Variants in KATNIP observed in about 807,000 individuals in gnomAD.
The protein encoded by KATNIP is katanin-interacting protein.
A neutral mutation model predicts 174.0 loss-of-function variants in KATNIP; 126 were observed. That is an observed-to-expected ratio of 0.72 (90% confidence interval 0.63 to 0.84). The LOEUF (loss-of-function observed/expected upper bound fraction) is 0.84. Among genes scored for constraint, KATNIP ranks in the 40% least tolerant of loss-of-function variants. The probability of loss-of-function intolerance (pLI) is 0.00; values close to 1 mark genes in which losing one functional copy is unlikely to be tolerated. For synonymous variants in KATNIP, 810 were observed against 835.7 expected (o/e 0.97, Z 0.53); for missense variants, 1,958 against 2,109.7 (o/e 0.93, Z 1.41).
At chr16:27,573,867 C>T (rs1412107006) in intron 1 of KATNIP, 34 bp from the exon 2 acceptor site, 2 of 1,609,650 alleles carry the variant, frequency 1.2e-6, no homozygotes, top group Admixed American at 3.3e-5. Context: ...TCTAAAACAG[C>T]CTTAATCTTG....
rs575288174 is a variant in KATNIP at position 27,735,652 on chromosome 16, C to T, written c.1744-4389C>T. On this transcript the variant is annotated intron_variant, in intron 14 of 27. Coordinates refer to ENST00000261588, the MANE Select transcript of KATNIP (RefSeq NM_015202.5). ...TCGGCAAATGGTAGCCTGCCATCTG[C>T]AATTGGAGGATTGAAGCCGAGTTCC... is the stretch of plus-strand genomic sequence containing the variant. Among the ~76,000 whole-genome samples the T allele has an allele frequency of 3.9e-5, 6 of 152,306 alleles. No individual in the cohort carries two copies. The East Asian group carries it at 1.2e-3, about 29-fold the overall frequency.
At chr16:27,747,085 G>A (rs1174039079) in intron 15 of KATNIP, among the ~76,000 whole-genome samples, 2 of 152,352 alleles carry the variant, frequency 1.3e-5, no homozygotes, top group Admixed American at 6.5e-5. Flanking sequence ...AGCTAAATGA[G>A]GGCAAGGAAG....
intron 13 of KATNIP, among the ~76,000 whole-genome samples, chr16:27,716,947 C>T (rs1053705007): frequency 4.6e-5 from 7 of 152,190 alleles, no homozygotes; most frequent in East Asian, 1.9e-4. Context: ...CGGGTTCGAG[C>T]GATTCTTCTG....
chr16:27,766,021 G>T (rs938597574), intron 19 of KATNIP, among the ~76,000 whole-genome samples: 2 of 151,516 alleles, frequency 1.3e-5, no homozygotes, highest in African/African-American at 2.4e-5. Flanking sequence ...TCTGAAAAAT[G>T]GTTCATTTTC....
At chr16:27,732,451 A>T (rs895926130) in intron 14 of KATNIP, among the ~76,000 whole-genome samples, 3 of 152,358 alleles carry the variant, frequency 2.0e-5, no homozygotes, top group Non-Finnish European at 4.4e-5. Context: ...CTCAAGACAG[A>T]TAGGAATAGC....
chr16:27,654,469 C>A, intron 6 of KATNIP: 1 of 661,570 alleles, frequency 1.5e-6, no homozygotes, highest in South Asian at 1.5e-5. Flanking sequence ...ATCAGATCCA[C>A]TTTAGGAGCA....
chr16:27,700,315 G>T (rs918435197), intron 10 of KATNIP, among the ~76,000 whole-genome samples: 6 of 152,116 alleles, frequency 3.9e-5, no homozygotes, highest in African/African-American at 7.2e-5. Context: ...GTATATCTCA[G>T]CAAATTTGGT....
At chr16:27,616,366 G>GA (rs2076036313) in intron 2 of KATNIP, among the ~76,000 whole-genome samples, 1 of 151,026 alleles carries the variant, frequency 6.6e-6, no homozygotes, top group South Asian at 2.1e-4. Flanking sequence ...CCATTTCAAA[G>GA]AAAAAAAGAA....
At chr16:27,702,180 T>G (rs1016522909) in intron 11 of KATNIP, among the ~76,000 whole-genome samples, 3 of 152,230 alleles carry the variant, frequency 2.0e-5, no homozygotes, top group Non-Finnish European at 4.4e-5. Flanking sequence ...ATGGCTCTTA[T>G]CTTGGTCAGT....
chr16:27,611,282 G>T (rs1335621491), intron 2 of KATNIP, among the ~76,000 whole-genome samples: 1 of 152,178 alleles, frequency 6.6e-6, no homozygotes, highest in Non-Finnish European at 1.5e-5. Context: ...ATAAGCCCTT[G>T]ATAAATGTTT....
chr16:27,761,088 G>A (rs1033358787), intron 18 of KATNIP, among the ~76,000 whole-genome samples: 4 of 152,210 alleles, frequency 2.6e-5, no homozygotes, highest in African/African-American at 4.8e-5. Flanking sequence ...TGGGGAATGC[G>A]TTGTTGGCCA....
chr16:27,556,260 T>C lies in KATNIP; in HGVS notation c.7+6083T>C, dbSNP rs531206667. ...TCTAGCAGATGATAACTTTTGTAAT[T>C]AGCACACTCTTTGCTTAAGAGAAAA... is the stretch of plus-strand genomic sequence containing the variant. On this transcript the variant is annotated intron_variant, in intron 1 of 27. Coordinates refer to ENST00000261588, the MANE Select transcript of KATNIP (RefSeq NM_015202.5). Among the ~76,000 whole-genome samples, 12 of 152,334 alleles carry C rather than the reference T, an allele frequency of 7.9e-5. No individual in the cohort carries two copies. The South Asian group carries it at 2.5e-3, about 32-fold the overall frequency.
At chr16:27,571,276 A>C (rs1451142208) in intron 1 of KATNIP, among the ~76,000 whole-genome samples, 1 of 151,826 alleles carries the variant, frequency 6.6e-6, no homozygotes, top group Non-Finnish European at 1.5e-5. Flanking sequence ...CAGGTGATCC[A>C]CCCGCTTCGA....
rs534782293 is a variant in KATNIP at position 27,681,929 on chromosome 16, G to A, written c.940+399G>A. Among the ~76,000 whole-genome samples the A allele has an allele frequency of 2.6e-5, 4 of 152,274 alleles. No homozygotes were observed. In the South Asian group the frequency reaches 8.3e-4, roughly 32 times the overall value. ...GGGCAATCTGCCTTACTCTCCTGAT[G>A]AATATGTTAATGTCATCCAAAAATG... On this transcript the variant is annotated intron_variant, in intron 8 of 27. Coordinates refer to ENST00000261588, the MANE Select transcript of KATNIP (RefSeq NM_015202.5).
intron 1 of KATNIP, among the ~76,000 whole-genome samples, chr16:27,564,912 C>T (rs565267275): frequency 1.2e-3 from 185 of 152,004 alleles, no homozygotes; most frequent in African/African-American, 3.7e-3. Flanking sequence ...TAAAGGCATG[C>T]GCCACCACAC....
At chr16:27,675,347 C>G (rs1270673963) in intron 6 of KATNIP, among the ~76,000 whole-genome samples, 1 of 152,184 alleles carries the variant, frequency 6.6e-6, no homozygotes, top group Non-Finnish European at 1.5e-5. Flanking sequence ...TCAGTTATCT[C>G]CACCTGGCCC....
chr16:27,691,317 G>A (rs1249937956), intron 8 of KATNIP, among the ~76,000 whole-genome samples: 1 of 152,204 alleles, frequency 6.6e-6, no homozygotes, highest in Non-Finnish European at 1.5e-5. Context: ...CCAAACACTG[G>A]TGAAGTGAAG....
intron 2 of KATNIP, among the ~76,000 whole-genome samples, chr16:27,609,876 G>A (rs187857361): frequency 4.6e-4 from 70 of 152,218 alleles, no homozygotes; most frequent in Admixed American, 2.4e-3. Flanking sequence ...ATTTTTAGTA[G>A]AGATGAGGTT....
chr16:27,603,940 T>C (rs1596883243), intron 2 of KATNIP, among the ~76,000 whole-genome samples: 1 of 151,864 alleles, frequency 6.6e-6, no homozygotes, highest in Non-Finnish European at 1.5e-5. Flanking sequence ...TTTCACAACA[T>C]TGGCCAGGCT....
Sources: allele counts gnomAD v4.1 joint callset (sites outside exome capture counted in the v4.1 genomes callset), GRCh38; gene constraint gnomAD v4.1.1; transcripts MANE v1.5; gene names NCBI Gene and HGNC (gene_info 2026-07-23, HGNC 2026-07-21).